TMEFF2: variants seen among roughly 807,000 people sequenced by gnomAD.
The protein encoded by TMEFF2 is tomoregulin-2.
A neutral mutation model predicts 53.8 loss-of-function variants in TMEFF2; 28 were observed. The observed-to-expected ratio is 0.52, with a 90% CI of 0.39 to 0.71. TMEFF2 has a LOEUF of 0.71. Ranked by LOEUF, TMEFF2 falls within the 30% of genes least tolerant of loss-of-function variation. TMEFF2 has a pLI of 0.00. For synonymous variants in TMEFF2, 162 were observed against 166.3 expected (o/e 0.97, Z 0.20); for missense variants, 353 against 455.2 (o/e 0.78, Z 2.04).
chr2:192,018,979 TACAC>T (rs768162669), intron 5 of TMEFF2, among the ~76,000 whole-genome samples: 112 of 152,182 alleles, frequency 7.4e-4, no homozygotes, highest in Non-Finnish European at 1.3e-3. Context: ...TATTCTCAAT[TACAC>T]ACATTCAGAC....
In TMEFF2 at chr2:191,949,580, G is replaced by A; in HGVS notation, c.*731C>T. 1.0e-6 allele frequency: 1 copy of A among 985,354 alleles called. No homozygotes were observed. The highest frequency in any genetic ancestry group is 1.2e-6 in the Non-Finnish European group (1 of 829,912). The allele number at this position is 985,354 out of a possible 1,614,324, so 61.0% of individuals were successfully genotyped here. A position where few individuals can be genotyped will look rare whatever the true frequency, so the allele number is the denominator to read the frequency against. On this transcript the variant is annotated 3_prime_UTR_variant, in exon 10 of 10. Coordinates refer to ENST00000272771, the MANE Select transcript of TMEFF2 (RefSeq NM_016192.4). ...GTATACCTAGTATGTAACTTGTTCA[G>A]TAAGTTCAGATATATGCACTTAACT...
chr2:192,071,799 C>G (rs948153621), intron 4 of TMEFF2, among the ~76,000 whole-genome samples: 1 of 151,800 alleles, frequency 6.6e-6, no homozygotes, highest in African/African-American at 2.4e-5. Context: ...TCAGTACAGA[C>G]GCAACCATCC....
In TMEFF2 at chr2:192,072,546, A is replaced by G. The variant is rs116783958; in HGVS notation, c.440-14771T>C. On this transcript the variant is annotated intron_variant, in intron 4 of 9. Transcript: ENST00000272771. ...TTCATTTTTCCTCAATGCTGCTTAGATTTCTTCATGCATATTCGTATTTTT... is the reference window on the plus strand; with the variant it reads ...TTCATTTTTCCTCAATGCTGCTTAGGTTTCTTCATGCATATTCGTATTTTT... 2.5e-3 allele frequency among the ~76,000 whole-genome samples: 379 copies of G among 150,254 alleles called. 1 individual carries two copies. The highest frequency in any genetic ancestry group is 9.0e-3 in the African/African-American group (367 of 40,942).
At chr2:191,972,865 T>A (rs1692689124) in intron 7 of TMEFF2, among the ~76,000 whole-genome samples, 1 of 152,188 alleles carries the variant, frequency 6.6e-6, no homozygotes, top group Non-Finnish European at 1.5e-5. Flanking sequence ...CATTGAAAAT[T>A]CTATGTTTAT....
At chr2:192,108,591 A>G (rs1450660278) in intron 4 of TMEFF2, among the ~76,000 whole-genome samples, 1 of 151,980 alleles carries the variant, frequency 6.6e-6, no homozygotes, top group Non-Finnish European at 1.5e-5. Context: ...GGAACCCTGT[A>G]TGTGGGTGGA....
intron 9 of TMEFF2, among the ~76,000 whole-genome samples, chr2:191,953,467 AG>A (rs1232488205): frequency 6.6e-6 from 1 of 152,238 alleles, no homozygotes; most frequent in Non-Finnish European, 1.5e-5. Context: ...CTTTATCATC[AG>A]GCAAAATTAA....
intron 7 of TMEFF2, among the ~76,000 whole-genome samples, chr2:191,964,394 CTTTCTCTTTCTTTCTTTCTTTCTTTCTT>C (rs1692401164): frequency 1.6e-5 from 1 of 62,090 alleles, no homozygotes; most frequent in Non-Finnish European, 3.4e-5. Flanking sequence ...TTCTTTCTTT[CTTTCTCTTTCTTTCTTTCTTTCTTTCTT>C]TCTTTCTTTC....
chr2:192,120,881 G>A (rs1319286359), intron 4 of TMEFF2, among the ~76,000 whole-genome samples: 1 of 151,934 alleles, frequency 6.6e-6, no homozygotes, highest in Non-Finnish European at 1.5e-5. Context: ...GACTACAGGT[G>A]GGCGTCACCA....
chr2:192,026,079 G>A (rs942187471), intron 5 of TMEFF2, among the ~76,000 whole-genome samples: 6 of 152,118 alleles, frequency 3.9e-5, no homozygotes, highest in East Asian at 3.8e-4. Context: ...GCCCCTGTGC[G>A]CCCCTCCCCA....
At chr2:192,132,334 C>G (rs1218108274) in intron 4 of TMEFF2, among the ~76,000 whole-genome samples, 1 of 152,100 alleles carries the variant, frequency 6.6e-6, no homozygotes, top group Non-Finnish European at 1.5e-5. Flanking sequence ...CATTTAGGCT[C>G]TTTTTCATCA....
chr2:192,050,167 A>G (rs576218387), intron 5 of TMEFF2, among the ~76,000 whole-genome samples: 3 of 152,342 alleles, frequency 2.0e-5, no homozygotes, highest in African/African-American at 7.2e-5. Flanking sequence ...TTTAAACTGC[A>G]TGGCCTAATA....
At chr2:192,182,586 C>A (rs1025804445) in intron 3 of TMEFF2, among the ~76,000 whole-genome samples, 2 of 151,860 alleles carry the variant, frequency 1.3e-5, no homozygotes, top group East Asian at 3.9e-4. Flanking sequence ...TGATTATATG[C>A]GCTGACAAGA....
At chr2:192,161,408 C>T (rs1300451799) in intron 4 of TMEFF2, among the ~76,000 whole-genome samples, 4 of 152,156 alleles carry the variant, frequency 2.6e-5, no homozygotes, top group Non-Finnish European at 5.9e-5. Flanking sequence ...CCTCCTCGGC[C>T]TCCCAAAGTG....
intron 4 of TMEFF2, among the ~76,000 whole-genome samples, chr2:192,170,257 C>T (rs1690874236): frequency 6.6e-6 from 1 of 152,048 alleles, no homozygotes; most frequent in South Asian, 2.1e-4. Flanking sequence ...CCACTTAAAT[C>T]AGTGTGTCAG....
intron 4 of TMEFF2, among the ~76,000 whole-genome samples, chr2:192,097,715 A>C (rs1464185860): frequency 6.6e-6 from 1 of 152,176 alleles, no homozygotes; most frequent in Non-Finnish European, 1.5e-5. Context: ...CTCCATTATT[A>C]GTATTTATTA....
rs528326889 is a variant in TMEFF2 at position 192,083,104 on chromosome 2, G to A, written c.440-25329C>T. Among the ~76,000 whole-genome samples the A allele has an allele frequency of 2.6e-4, 39 of 151,926 alleles. No homozygotes were observed. The South Asian group carries it at 7.9e-3, about 31-fold the overall frequency. ...GTGCTAAATCCCTATATTTATATATGTGACATTTACAGGCCCTTAGGAAAA... is the reference window on the plus strand; with the variant it reads ...GTGCTAAATCCCTATATTTATATATATGACATTTACAGGCCCTTAGGAAAA... On this transcript the variant is annotated intron_variant, in intron 4 of 9. Coordinates refer to ENST00000272771, the MANE Select transcript of TMEFF2 (RefSeq NM_016192.4).
At chr2:192,002,321 T>C (rs1368353727) in intron 5 of TMEFF2, among the ~76,000 whole-genome samples, 3 of 152,174 alleles carry the variant, frequency 2.0e-5, no homozygotes, top group Non-Finnish European at 4.4e-5. Flanking sequence ...ATGGATTATA[T>C]TGGTCTTTTT....
chr2:192,005,186 AC>A (rs1193191961), intron 5 of TMEFF2, among the ~76,000 whole-genome samples: 1 of 152,202 alleles, frequency 6.6e-6, no homozygotes, highest in Non-Finnish European at 1.5e-5. Context: ...ATTTTTAAAG[AC>A]CACTTGATGG....
chr2:192,170,722 C>A (rs1441301727), intron 4 of TMEFF2, among the ~76,000 whole-genome samples: 1 of 151,956 alleles, frequency 6.6e-6, no homozygotes, highest in South Asian at 2.1e-4. Flanking sequence ...AGTTAATTCT[C>A]CCTTTATTCT....
Sources: allele counts gnomAD v4.1 joint callset (sites outside exome capture counted in the v4.1 genomes callset), GRCh38; gene constraint gnomAD v4.1.1; transcripts MANE v1.5; gene names NCBI Gene and HGNC (gene_info 2026-07-23, HGNC 2026-07-21).